NAT8: variants seen among roughly 807,000 people sequenced by gnomAD.
The protein encoded by NAT8 is N-acetyltransferase 8 (putative), also known as N-acetyltransferase 8.
For missense variants in NAT8, 357 were observed against 287.1 expected, an observed-to-expected ratio of 1.24 and a Z score of -1.76; for synonymous variants, 131 against 115.4, an observed-to-expected ratio of 1.14 and a Z score of -0.87.
At chr2:73,641,835 AG>A in intron 1 of NAT8, 133 bp from the exon 2 acceptor site, 1 of 561,336 alleles carries the variant, frequency 1.8e-6, no homozygotes, top group Non-Finnish European at 2.9e-6. Context: ...GGGAGAAGGT[AG>A]GGTCAGAAAG....
At position 73,640,959 on chromosome 2, in the gene NAT8, C is replaced by T. The variant is rs747807178; in HGVS notation, c.670G>A (p.Val224Ile). Reference sequence around the variant, plus strand: ...ACAGAAAGAGATCACAGACTCCCTACCTTAGAAGAAGGGAGGTGGTAGATG... The same window carrying T: ...ACAGAAAGAGATCACAGACTCCCTATCTTAGAAGAAGGGAGGTGGTAGATG... ...HFIYHLPSSK[V>I]GSL The change falls in exon 2 of 2, where the codon GTA (valine) becomes ATA (isoleucine). Residue 224 changes from valine (V) to isoleucine (I), a missense_variant. Val to Ile is a conservative substitution (Grantham distance 29, BLOSUM62 3). Transcript: ENST00000272425. 25 of 1,611,402 alleles carry T rather than the reference C, an allele frequency of 1.6e-5. No homozygotes were observed. The highest frequency in any genetic ancestry group is 1.6e-4 in the Middle Eastern group (1 of 6,072).
Position 73,641,618 on chromosome 2 carries a change from CAAGG to C in NAT8, c.7_10del (p.Pro3ValfsTer34), listed in dbSNP as rs1558726563. The stretch of plus-strand genomic sequence containing the variant: ...GCTCTCCTGGTATTTGCGGATGTGA[CAAGG>C]AGCCATGGACAGACTTCTGTGTCTG... On this transcript the variant is annotated frameshift_variant, in exon 2 of 2. Coordinates refer to ENST00000272425, the MANE Select transcript of NAT8 (RefSeq NM_003960.4). LOFTEE classifies it low-confidence loss of function (END_TRUNC). 1.9e-6 allele frequency: 3 copies of C among 1,550,600 alleles called. No homozygotes were observed. The African/African-American group carries it at 4.1e-5, about 21-fold the overall frequency.
chr2:73,641,771 G>A (rs1165853929), intron 1 of NAT8, 69 bp from the exon 2 acceptor site: 1 of 1,059,876 alleles, frequency 9.4e-7, no homozygotes, highest in Non-Finnish European at 1.3e-6. Flanking sequence ...AGGGAGACCT[G>A]CTCAAGGGTG....
At position 73,641,251 on chromosome 2, in the gene NAT8, A is replaced by G. The variant is rs779326199; in HGVS notation, c.378T>C (p.Pro126=). 30 of 1,614,028 alleles carry G rather than the reference A, an allele frequency of 1.9e-5. No homozygotes were observed. The highest frequency in any genetic ancestry group is 2.7e-5 in the African/African-American group (2 of 74,918). The change falls in exon 2 of 2, where the codon CCT becomes CCC. Residue 126 remains proline (P), a synonymous_variant. Coordinates refer to ENST00000272425, the MANE Select transcript of NAT8 (RefSeq NM_003960.4). ...EKVVGMVGAL[P]VDDPTLREKR... The stretch of plus-strand genomic sequence containing the variant: ...TCTCCCTCAAGGTGGGATCATCAAC[A>G]GGCAGAGCTCCTACCATGCCCACCA...
At chr2:73,642,112 G>A (rs562238271) in intron 1 of NAT8, among the ~76,000 whole-genome samples, 1 of 152,106 alleles carries the variant, frequency 6.6e-6, no homozygotes, top group African/African-American at 2.4e-5. Flanking sequence ...CAGGCCACAC[G>A]TGCAACCCTT....
chr2:73,641,654 C>G lies in NAT8; in HGVS notation c.-26G>C, dbSNP rs1449133684. 4 of 1,523,678 alleles carry G rather than the reference C, an allele frequency of 2.6e-6. No individual in the cohort carries two copies. The allele number at this position is 1,523,678 out of a possible 1,614,324, so 94.4% of individuals were successfully genotyped here. A position where few individuals can be genotyped will look rare whatever the true frequency, so the allele number is the denominator to read the frequency against. On this transcript the variant is annotated 5_prime_UTR_variant, in exon 2 of 2. Transcript: ENST00000272425. The stretch of plus-strand genomic sequence containing the variant: ...GGACAGACTTCTGTGTCTGAAATCT[C>G]TAAGTCCAGGAGACAGAGCTAGGCC...
chr2:73,640,935 C>A lies in NAT8; in HGVS notation c.*10G>T, dbSNP rs766966000. The A allele has an allele frequency of 2.5e-6, 4 of 1,600,274 alleles. No individual in the cohort carries two copies. Among genetic ancestry groups the A allele is most frequent in the Non-Finnish European group, 2.6e-6 (3 of 1,173,632 alleles). On this transcript the variant is annotated 3_prime_UTR_variant, in exon 2 of 2. Transcript: ENST00000272425. ...TGGATTCTATTCTGACCAATACACA[C>A]AGAAAGAGATCACAGACTCCCTACC...
intron 1 of NAT8, among the ~76,000 whole-genome samples, chr2:73,642,008 C>G (rs1344507367): frequency 6.6e-6 from 1 of 151,938 alleles, no homozygotes; most frequent in East Asian, 1.9e-4. Context: ...CTATAAAGCC[C>G]TGGTAGATGA....
In NAT8 at chr2:73,640,798, G is replaced by C; in HGVS notation, c.*147C>G. The C allele has an allele frequency of 1.2e-6, 1 of 853,704 alleles. No individual in the cohort carries two copies. Among genetic ancestry groups the C allele is most frequent in the Non-Finnish European group, 1.7e-6 (1 of 579,738 alleles). 52.9% of individuals were successfully genotyped at this position (853,704 alleles called of 1,614,324 possible). Reference sequence around the variant, plus strand: ...GACTGAATGAAGCAGAAACCCAGAAGCTACCCCACAAGCAATCACATGGGA... The same window carrying C: ...GACTGAATGAAGCAGAAACCCAGAACCTACCCCACAAGCAATCACATGGGA... On this transcript the variant is annotated 3_prime_UTR_variant, in exon 2 of 2. Transcript: ENST00000272425.
Position 73,640,870 on chromosome 2 carries a change from T to G in NAT8, c.*75A>C. The G allele has an allele frequency of 7.0e-7, 1 of 1,424,538 alleles. No individual in the cohort carries two copies. Among genetic ancestry groups the G allele is most frequent in the Non-Finnish European group, 9.4e-7 (1 of 1,059,166 alleles). 88.2% of individuals were successfully genotyped at this position (1,424,538 alleles called of 1,614,324 possible). A position where few individuals can be genotyped will look rare whatever the true frequency, so the allele number is the denominator to read the frequency against. On this transcript the variant is annotated 3_prime_UTR_variant, in exon 2 of 2. Transcript: ENST00000272425. ...AGCTTTTATTGCATTGAAAGGTCAT[T>G]GCAGTGAAAGGTTGGGGATTGCTTG...
rs771215779 is a variant in NAT8 at position 73,641,265 on chromosome 2, C to T, written c.364G>A (p.Val122Ile). The T allele has an allele frequency of 4.9e-5, 79 of 1,614,038 alleles. No homozygotes were observed. In the Admixed American group the frequency reaches 8.5e-4, roughly 17 times the overall value. Residue 122 changes from valine to isoleucine, a missense_variant, in exon 2 of 2, where the codon GTA (valine) becomes ATA (isoleucine). Transcript: ENST00000272425. ...GGATCATCAACAGGCAGAGCTCCTA[C>T]CATGCCCACCACCTTCTCTTCAGAC... ...AESEEKVVGM[V>I]GALPVDDPTL...
chr2:73,641,891 T>C (rs1285781298), intron 1 of NAT8, among the ~76,000 whole-genome samples, 189 bp from the exon 2 acceptor site: 1 of 152,138 alleles, frequency 6.6e-6, no homozygotes, highest in Non-Finnish European at 1.5e-5. Context: ...CTGTGTGACC[T>C]TAGGCATGTC....
chr2:73,640,807 C>T lies in NAT8; in HGVS notation c.*138G>A, dbSNP rs1676377071. ...AAGCAGAAACCCAGAAGCTACCCCA[C>T]AAGCAATCACATGGGACTCAGATGT... On this transcript the variant is annotated 3_prime_UTR_variant, in exon 2 of 2. Transcript: ENST00000272425. The T allele has an allele frequency of 4.2e-6, 4 of 949,110 alleles. No homozygotes were observed. In the East Asian group the frequency reaches 1.1e-4, roughly 25 times the overall value. 58.8% of individuals were successfully genotyped at this position (949,110 alleles called of 1,614,324 possible). A position where few individuals can be genotyped will look rare whatever the true frequency, so the allele number is the denominator to read the frequency against.
At position 73,641,258 on chromosome 2, in the gene NAT8, G is replaced by A. The variant is rs1444778126; in HGVS notation, c.371C>T (p.Ala124Val). The change falls in exon 2 of 2, where the codon GCT becomes GTT. Residue 124 changes from alanine (A) to valine (V), a missense_variant. Coordinates refer to ENST00000272425, the MANE Select transcript of NAT8 (RefSeq NM_003960.4). ...SEEKVVGMVG[A>V]LPVDDPTLRE... ...CAAGGTGGGATCATCAACAGGCAGA[G>A]CTCCTACCATGCCCACCACCTTCTC... 14 of 1,613,992 alleles carry A rather than the reference G, an allele frequency of 8.7e-6. No homozygotes were observed. Among genetic ancestry groups the A allele is most frequent in the Non-Finnish European group, 1.2e-5 (14 of 1,180,038 alleles).
rs190944121 is a variant in NAT8 at position 73,641,609 on chromosome 2, C to G, written c.20G>C (p.Arg7Pro). Residue 7 changes from arginine (R) to proline (P), a missense_variant, in exon 2 of 2, where the codon CGC becomes CCC. Physicochemically the swap from Arg to Pro is moderately radical, Grantham distance 103. Transcript: ENST00000272425. The part of the protein sequence containing the change: MAPCHI[R>P]KYQESDRQWV... ...CTGGCGGTCGCTCTCCTGGTATTTGCGGATGTGACAAGGAGCCATGGACAG... is the reference window on the plus strand; with the variant it reads ...CTGGCGGTCGCTCTCCTGGTATTTGGGGATGTGACAAGGAGCCATGGACAG... The G allele has an allele frequency of 4.5e-6, 7 of 1,554,074 alleles. No homozygotes were observed. In the East Asian group the frequency reaches 1.6e-4, roughly 35 times the overall value.
In NAT8 at chr2:73,641,704, TG is replaced by T. The variant is rs1676406731; in HGVS notation, c.-74-3del. 3 of 1,466,148 alleles carry T rather than the reference TG, an allele frequency of 2.0e-6. No individual in the cohort carries two copies. Among genetic ancestry groups the T allele is most frequent in the South Asian group, 2.9e-5 (2 of 68,266 alleles). 90.8% of individuals were successfully genotyped at this position (1,466,148 alleles called of 1,614,324 possible). A position where few individuals can be genotyped will look rare whatever the true frequency, so the allele number is the denominator to read the frequency against. On this transcript the variant is annotated splice_polypyrimidine_tract_variant and splice_region_variant and intron_variant, in intron 1 of 1. Coordinates refer to ENST00000272425, the MANE Select transcript of NAT8 (RefSeq NM_003960.4). ...CTCCCTGCACGCCTTTACGTCAGAC[TG>T]GGGAAGAGAGAGAAAATCATGTGAG... is the stretch of plus-strand genomic sequence containing the variant.
chr2:73,641,199 C>G lies in NAT8; in HGVS notation c.430G>C (p.Val144Leu), dbSNP rs762993306. The change falls in exon 2 of 2, where the codon GTG becomes CTG. Residue 144 changes from valine (V) to leucine (L), a missense_variant. Val to Leu is a conservative substitution (Grantham distance 32, BLOSUM62 1). Transcript: ENST00000272425. ...EKRLQLFHLF[V>L]DSEHRRQGIA... The stretch of plus-strand genomic sequence containing the variant: ...CCCTGACGACGGTGCTCACTGTCCA[C>G]AAAGAGATGAAACAGCTGCAACCGC... The G allele has an allele frequency of 8.1e-6, 13 of 1,613,992 alleles. No homozygotes were observed. Among genetic ancestry groups the G allele is most frequent in the Non-Finnish European group, 8.5e-6 (10 of 1,180,040 alleles).
At position 73,640,892 on chromosome 2, in the gene NAT8, C is replaced by G. The variant is rs1676379100; in HGVS notation, c.*53G>C. 1 of 1,523,116 alleles carries G rather than the reference C, an allele frequency of 6.6e-7. No homozygotes were observed. Among genetic ancestry groups the G allele is most frequent in the South Asian group, 1.3e-5 (1 of 77,048 alleles). 94.4% of individuals were successfully genotyped at this position (1,523,116 alleles called of 1,614,324 possible). ...CATTGCAGTGAAAGGTTGGGGATTGCTTGCTGCTACAGCTGAATGGATTCT... is the reference window on the plus strand; with the variant it reads ...CATTGCAGTGAAAGGTTGGGGATTGGTTGCTGCTACAGCTGAATGGATTCT... On this transcript the variant is annotated 3_prime_UTR_variant, in exon 2 of 2. Transcript: ENST00000272425.
At position 73,641,196 on chromosome 2, in the gene NAT8, C is replaced by T. The variant is rs776780577; in HGVS notation, c.433G>A (p.Asp145Asn). 5 of 1,614,088 alleles carry T rather than the reference C, an allele frequency of 3.1e-6. No homozygotes were observed. The highest frequency in any genetic ancestry group is 4.2e-6 in the Non-Finnish European group (5 of 1,180,016). Residue 145 changes from aspartate to asparagine, a missense_variant, in exon 2 of 2, where the codon GAC (aspartate) becomes AAC (asparagine). Physicochemically the swap from Asp to Asn is conservative, Grantham distance 23. Transcript: ENST00000272425. ...KRLQLFHLFV[D>N]SEHRRQGIAK... ...ATCCCCTGACGACGGTGCTCACTGT[C>T]CACAAAGAGATGAAACAGCTGCAAC...
Sources: gnomAD v4.1 joint callset for allele counts (sites outside exome capture counted in the v4.1 genomes callset) on GRCh38, gnomAD v4.1.1 for gene constraint, MANE v1.5 for transcripts, NCBI Gene and HGNC (gene_info 2026-07-23, HGNC 2026-07-21) for gene names.